The following NPSR1 variants were observed in gnomAD, a reference collection of about 807,000 sequenced individuals.
NPSR1 encodes the protein neuropeptide S receptor.
NPSR1 carries 48 observed loss-of-function variants against 46.9 expected under a neutral mutation model. The observed-to-expected ratio is 1.02, with a 90% CI of 0.81 to 1.30. NPSR1 has a LOEUF of 1.30. NPSR1 is among the 50% of genes most tolerant of loss of function. The pLI is 0.00. For missense variants in NPSR1, 450 were observed against 449.5 expected (o/e 1.00, Z -0.01); for synonymous variants, 176 against 168.1 (o/e 1.05, Z -0.36).
intron 6 of NPSR1, among the ~76,000 whole-genome samples, chr7:34,838,140 C>T (rs548784168): frequency 6.6e-6 from 1 of 152,236 alleles, no homozygotes; most frequent in East Asian, 1.9e-4. Context: ...TGCCTCCCCC[C>T]AGGGAGGCTG....
At chr7:34,812,326 G>GAA (rs35800376) in intron 4 of NPSR1, among the ~76,000 whole-genome samples, 1 of 150,818 alleles carries the variant, frequency 6.6e-6, no homozygotes. Flanking sequence ...ATCGTATTGG[G>GAA]AAAAAAAAAT....
intron 4 of NPSR1, among the ~76,000 whole-genome samples, chr7:34,821,069 G>C (rs1789531711): frequency 6.6e-6 from 1 of 151,858 alleles, no homozygotes; most frequent in African/African-American, 2.4e-5. Context: ...AATCCATTCG[G>C]AAGGTTGGGG....
At chr7:34,831,369 T>C (rs1411013303) in intron 5 of NPSR1, among the ~76,000 whole-genome samples, 1 of 151,338 alleles carries the variant, frequency 6.6e-6, no homozygotes, top group Non-Finnish European at 1.5e-5. Flanking sequence ...ACTGCTAATA[T>C]AGAAATTTCT....
In NPSR1 at chr7:34,727,433, G is replaced by A. The variant is rs546438167; in HGVS notation, c.280+42749G>A. Among the ~76,000 whole-genome samples the A allele has an allele frequency of 4.6e-5, 7 of 152,254 alleles. No individual in the cohort carries two copies. In the South Asian group the frequency reaches 1.0e-3, roughly 23 times the overall value. On this transcript the variant is annotated intron_variant, in intron 2 of 8. Transcript: ENST00000360581. ...TATTATTGACCAAGTTTCCCTCAAT[G>A]GTTTTTGCATAACATTTAACGTAAC...
At chr7:34,855,707 G>A (rs1025062026) in intron 8 of NPSR1, among the ~76,000 whole-genome samples, 11 of 151,918 alleles carry the variant, frequency 7.2e-5, no homozygotes, top group African/African-American at 2.7e-4. Context: ...TGCTACAAAG[G>A]CATTACAAGA....
rs1233963690 is a variant in NPSR1 at position 34,868,592 on chromosome 7, T to C, written c.1026-9484T>C. Among the ~76,000 whole-genome samples the C allele has an allele frequency of 2.0e-5, 3 of 151,504 alleles. 1 individual carries two copies. Among genetic ancestry groups the C allele is most frequent in the African/African-American group, 7.3e-5 (3 of 40,852 alleles). On this transcript the variant is annotated intron_variant, in intron 8 of 8. Coordinates refer to the NPSR1 transcript ENST00000359791. ...AGCAGACATGTCAGGGTGAACTTGC[T>C]CTCGGCAGAAGAGAGAAACCTCCCA...
At chr7:34,695,067 T>C (rs1368337104) in intron 2 of NPSR1, among the ~76,000 whole-genome samples, 1 of 152,166 alleles carries the variant, frequency 6.6e-6, no homozygotes, top group Non-Finnish European at 1.5e-5. Flanking sequence ...CCTGACTTTA[T>C]ACAACAAGGC....
chr7:34,813,058 C>T (rs1390405090), intron 4 of NPSR1, among the ~76,000 whole-genome samples: 2 of 151,984 alleles, frequency 1.3e-5, no homozygotes, highest in Admixed American at 6.6e-5. Context: ...AATGTGCAGC[C>T]CTTTGATATG....
chr7:34,824,661 C>G (rs912789253), intron 4 of NPSR1, among the ~76,000 whole-genome samples: 1 of 152,168 alleles, frequency 6.6e-6, no homozygotes, highest in African/African-American at 2.4e-5. Context: ...TACTCTCTTC[C>G]CTGTCCATCC....
At chr7:34,755,119 T>G (rs1342070487) in intron 2 of NPSR1, among the ~76,000 whole-genome samples, 1 of 152,240 alleles carries the variant, frequency 6.6e-6, no homozygotes, top group Non-Finnish European at 1.5e-5. Context: ...TGTGGACAGT[T>G]TTTTCTCTTG....
chr7:34,859,877 C>T (rs1427653532), intron 8 of NPSR1, among the ~76,000 whole-genome samples: 1 of 151,728 alleles, frequency 6.6e-6, no homozygotes, highest in African/African-American at 2.4e-5. Context: ...GGAGCATCCC[C>T]GGGGGTCAGA....
At chr7:34,839,091 C>T (rs1281664349) in intron 6 of NPSR1, among the ~76,000 whole-genome samples, 1 of 152,232 alleles carries the variant, frequency 6.6e-6, no homozygotes, top group Non-Finnish European at 1.5e-5. Context: ...AGCCCATTAA[C>T]TGCTGTCCAT....
chr7:34,735,749 G>T (rs753039028), intron 2 of NPSR1, among the ~76,000 whole-genome samples: 1 of 152,118 alleles, frequency 6.6e-6, no homozygotes, highest in African/African-American at 2.4e-5. Context: ...AAAGCTTTTG[G>T]CAAAGAGCTT....
At chr7:34,836,699 G>A (rs534701401) in intron 6 of NPSR1, among the ~76,000 whole-genome samples, 33 of 143,118 alleles carry the variant, frequency 2.3e-4, no homozygotes, top group Non-Finnish European at 4.0e-4. Flanking sequence ...AGGGAGAAAG[G>A]AAGGAAGGAA....
chr7:34,753,944 C>A lies in NPSR1; in HGVS notation c.281-24518C>A, dbSNP rs540417578. ...GGATCAGGGCAGCCCAAAGGGATTC[C>A]TGGAGTTTCAAACACAAAATAGACA... is the stretch of plus-strand genomic sequence containing the variant. On this transcript the variant is annotated intron_variant, in intron 2 of 8. Transcript: ENST00000360581. Among the ~76,000 whole-genome samples, 3 of 152,048 alleles carry A rather than the reference C, an allele frequency of 2.0e-5. No individual in the cohort carries two copies. In the South Asian group the frequency reaches 6.3e-4, roughly 32 times the overall value.
rs200927809 is a variant in NPSR1, at chr7:34,849,651, T to G, written c.1112T>G (p.Ile371Ser). The part of the protein sequence containing the change: ...EMQILSKPEF[I>S] ...CAGATTCTGTCCAAGCCAGAATTCA[T>G]CTAGACCCTAGGGCAGTGCCAGTGC... is the stretch of plus-strand genomic sequence containing the variant. The change falls in exon 9 of 9, where the codon ATC becomes AGC. Residue 371 changes from isoleucine to serine, a missense_variant. Ile to Ser is a moderately radical substitution (Grantham distance 142). Coordinates refer to ENST00000360581, the MANE Select transcript of NPSR1 (RefSeq NM_207172.2). 1.1e-4 allele frequency: 182 copies of G among 1,613,936 alleles called. No individual in the cohort carries two copies. The Admixed American group carries it at 1.4e-3, about 12-fold the overall frequency.
At chr7:34,661,722 C>T (rs1791461266) in intron 1 of NPSR1, among the ~76,000 whole-genome samples, 2 of 152,206 alleles carry the variant, frequency 1.3e-5, no homozygotes, top group Non-Finnish European at 2.9e-5. Context: ...CCTTGTGTAA[C>T]TAACCCTACG....
At chr7:34,829,135 C>G (rs987981358) in intron 5 of NPSR1, among the ~76,000 whole-genome samples, 1 of 152,120 alleles carries the variant, frequency 6.6e-6, no homozygotes, top group African/African-American at 2.4e-5. Context: ...GAAACGTTAT[C>G]CATCATATGG....
chr7:34,787,842 A>G (rs1016208068), intron 3 of NPSR1, among the ~76,000 whole-genome samples: 5 of 152,104 alleles, frequency 3.3e-5, no homozygotes, highest in African/African-American at 1.2e-4. Context: ...CAAAACAATT[A>G]CAATAGTATC....
Sources: allele counts gnomAD v4.1 joint callset (sites outside exome capture counted in the v4.1 genomes callset), GRCh38; gene constraint gnomAD v4.1.1; transcripts MANE v1.5; gene names NCBI Gene and HGNC (gene_info 2026-07-23, HGNC 2026-07-21).